PRKG1: variants seen among roughly 807,000 people sequenced by gnomAD.
The protein encoded by PRKG1 is protein kinase cGMP-dependent 1.
In PRKG1, 35 loss-of-function variants were observed where a neutral mutation model predicts 88.1. The observed-to-expected ratio is 0.40, with a 90% CI of 0.30 to 0.53. The LOEUF is 0.53. PRKG1 is among the 20% of genes least tolerant of loss of function. The probability of loss-of-function intolerance (pLI) is 0.59; values close to 1 mark genes in which losing one functional copy is unlikely to be tolerated. For missense variants in PRKG1, 540 were observed against 839.8 expected (o/e 0.64, Z 4.41); for synonymous variants, 303 against 292.5 (o/e 1.04, Z -0.37).
rs1037315706 is a variant in PRKG1, at chr10:51,478,666, G to C, written c.592+10830G>C. Among the ~76,000 whole-genome samples the C allele has an allele frequency of 9.2e-5, 14 of 151,382 alleles. No individual in the cohort carries two copies. The South Asian group carries it at 2.5e-3, about 27-fold the overall frequency. Reference sequence around the variant, plus strand: ...GTGAGGCAAAAATCTATCAATTTAAGTGCAATTTGTCTCTGACACACAACC... The same window carrying C: ...GTGAGGCAAAAATCTATCAATTTAACTGCAATTTGTCTCTGACACACAACC... On this transcript the variant is annotated intron_variant, in intron 3 of 17. Transcript: ENST00000373980.
chr10:52,150,467 C>G (rs1361188290), intron 8 of PRKG1, among the ~76,000 whole-genome samples: 1 of 152,066 alleles, frequency 6.6e-6, no homozygotes, highest in East Asian at 1.9e-4. Flanking sequence ...ATAGTTTGTA[C>G]AATCCTAATA....
chr10:52,107,870 G>T (rs1165645548), intron 7 of PRKG1, among the ~76,000 whole-genome samples: 1 of 152,152 alleles, frequency 6.6e-6, no homozygotes, highest in East Asian at 1.9e-4. Context: ...AAGAAAGAAG[G>T]TATGATTAAC....
intron 2 of PRKG1, among the ~76,000 whole-genome samples, chr10:51,338,723 C>T (rs1474576306): frequency 1.3e-5 from 2 of 152,136 alleles, no homozygotes; most frequent in African/African-American, 4.8e-5. Context: ...TCAGATAAAT[C>T]TGGGGATCTT....
chr10:51,843,631 G>T (rs1441124395), intron 4 of PRKG1, among the ~76,000 whole-genome samples: 3 of 152,198 alleles, frequency 2.0e-5, no homozygotes, highest in Non-Finnish European at 4.4e-5. Context: ...GCTCACTGCT[G>T]CACAGGCATA....
chr10:51,153,169 A>G lies in PRKG1; in HGVS notation c.317A>G (p.Lys106Arg). 6.2e-7 allele frequency: 1 copy of G among 1,611,282 alleles called. No individual in the cohort carries two copies. The highest frequency in any genetic ancestry group is 8.5e-7 in the Non-Finnish European group (1 of 1,178,234). The change falls in exon 2 of 18, where the codon AAG (lysine) becomes AGG (arginine). Residue 106 changes from lysine to arginine, a missense_variant. By Grantham distance (26) the Lys-to-Arg change is conservative. This residue lies in a region of PRKG1 where 400 missense variants were observed against 562.7 expected (regional missense o/e 0.71). Transcript: ENST00000373980. ...TCTTCCCTCTCTTGCCATAGGTCCA[A>G]GGATCTTATAAAGGAAGCTATCCTT... ...LPFYPKSPQS[K>R]DLIKEAILDN... is the part of the protein sequence containing the mutation.
At chr10:51,681,280 A>G (rs1396603037) in intron 3 of PRKG1, among the ~76,000 whole-genome samples, 1 of 152,158 alleles carries the variant, frequency 6.6e-6, no homozygotes, top group Admixed American at 6.6e-5. Flanking sequence ...CAGAAACACA[A>G]ATACAGAATA....
chr10:52,277,838 T>A (rs950285433), intron 12 of PRKG1, among the ~76,000 whole-genome samples: 1 of 152,182 alleles, frequency 6.6e-6, no homozygotes, highest in Admixed American at 6.5e-5. Context: ...CATTACAACA[T>A]TAACAATGCA....
intron 17 of PRKG1, among the ~76,000 whole-genome samples, chr10:52,292,451 G>A (rs1180625454): frequency 2.0e-5 from 3 of 151,842 alleles, no homozygotes; most frequent in Non-Finnish European, 2.9e-5. Context: ...AAGGTGTAAG[G>A]AAGGGATCCA....
intron 5 of PRKG1, among the ~76,000 whole-genome samples, chr10:52,018,692 A>G (rs1193389986): frequency 6.6e-6 from 1 of 152,214 alleles, no homozygotes; most frequent in Non-Finnish European, 1.5e-5. Context: ...ATATCAAAGA[A>G]TAATTGTACC....
At chr10:52,012,950 G>A (rs540340156) in intron 5 of PRKG1, among the ~76,000 whole-genome samples, 2 of 152,236 alleles carry the variant, frequency 1.3e-5, no homozygotes, top group South Asian at 2.1e-4. Flanking sequence ...CAAAGAAACT[G>A]GAGTTCAGAA....
intron 9 of PRKG1, among the ~76,000 whole-genome samples, chr10:52,232,999 A>ACATCC (rs1182127788): frequency 6.6e-6 from 1 of 152,234 alleles, no homozygotes; most frequent in East Asian, 1.9e-4. Context: ...TGGACATTGA[A>ACATCC]CATCCCCATT....
chr10:51,780,029 A>G (rs767962336), intron 3 of PRKG1, among the ~76,000 whole-genome samples: 26 of 152,062 alleles, frequency 1.7e-4, no homozygotes, highest in Non-Finnish European at 3.5e-4. Context: ...TTGATGACCT[A>G]GTTGATTTAG....
rs115918786 is a variant in PRKG1 at position 51,131,976 on chromosome 10, A to G, written c.312-21188A>G. Among the ~76,000 whole-genome samples the G allele has an allele frequency of 8.3e-3, 1,271 of 152,270 alleles. 27 individuals are homozygous for G. The highest frequency in any genetic ancestry group is 0.028 in the African/African-American group (1,172 of 41,546). On this transcript the variant is annotated intron_variant, in intron 1 of 17. Transcript: ENST00000373980. ...TTCTCAAGAAATGATTGCTTGATCAAACATACAATAAATAGATTTTTTTAC... is the reference window on the plus strand; with the variant it reads ...TTCTCAAGAAATGATTGCTTGATCAGACATACAATAAATAGATTTTTTTAC...
chr10:51,630,976 G>C (rs1589146199), intron 3 of PRKG1, among the ~76,000 whole-genome samples: 1 of 152,124 alleles, frequency 6.6e-6, no homozygotes, highest in Non-Finnish European at 1.5e-5. Flanking sequence ...AACTCCAAAG[G>C]CTTGTCTTTT....
chr10:51,895,871 C>A (rs1165249120), intron 4 of PRKG1, among the ~76,000 whole-genome samples: 1 of 151,920 alleles, frequency 6.6e-6, no homozygotes, highest in African/African-American at 2.4e-5. Flanking sequence ...CGTGCAATTG[C>A]CTAGAGAGGT....
At chr10:51,448,179 T>C (rs1839329647) in intron 2 of PRKG1, among the ~76,000 whole-genome samples, 2 of 151,774 alleles carry the variant, frequency 1.3e-5, no homozygotes, top group Non-Finnish European at 2.9e-5. Flanking sequence ...GTCCAGGAGG[T>C]TGAGGCTGCA....
At chr10:51,580,462 G>T (rs1838001967) in intron 3 of PRKG1, among the ~76,000 whole-genome samples, 1 of 151,994 alleles carries the variant, frequency 6.6e-6, no homozygotes, top group Non-Finnish European at 1.5e-5. Flanking sequence ...GTACCACTTT[G>T]TACTTTTAAT....
At chr10:51,870,108 T>C (rs892208611) in intron 4 of PRKG1, among the ~76,000 whole-genome samples, 6 of 152,132 alleles carry the variant, frequency 3.9e-5, no homozygotes, top group Non-Finnish European at 8.8e-5. Flanking sequence ...TGAACAAATG[T>C]CTGTGATGGC....
chr10:51,457,273 G>A (rs7100981), intron 2 of PRKG1, among the ~76,000 whole-genome samples: 47,913 of 151,930 alleles, frequency 0.32, 7,953 homozygotes, highest in African/African-American at 0.38. Context: ...AATGGCATTA[G>A]CAGCAACCTG....
Sources: allele counts gnomAD v4.1 joint callset (sites outside exome capture counted in the v4.1 genomes callset), GRCh38; gene constraint gnomAD v4.1.1; regional missense constraint gnomAD v4.1.1; transcripts MANE v1.5; gene names NCBI Gene and HGNC (gene_info 2026-07-23, HGNC 2026-07-21).